Variants in COL4A2 observed in about 807,000 individuals in gnomAD.
COL4A2 encodes the protein collagen alpha-2(IV) chain.
A neutral mutation model predicts 200.2 loss-of-function variants in COL4A2; 99 were observed. The ratio of observed to expected loss-of-function variants is 0.49; its 90% CI spans 0.42 to 0.58. The LOEUF (loss-of-function observed/expected upper bound fraction) is 0.58, where lower values mean the gene tolerates loss of function less well. Ranked by LOEUF, COL4A2 falls within the 20% of genes least tolerant of loss-of-function variation. The pLI is 0.00. For missense variants in COL4A2, 1,950 were observed against 2,314.1 expected (o/e 0.84, Z 3.23); for synonymous variants, 897 against 900.6 (o/e 1.00, Z 0.07).
intron 3 of COL4A2, among the ~76,000 whole-genome samples, chr13:110,339,361 G>T (rs1421537367): frequency 6.6e-6 from 1 of 152,090 alleles, no homozygotes; most frequent in East Asian, 1.9e-4. Context: ...GCATATTTGG[G>T]GCTTCATCTT....
intron 4 of COL4A2, among the ~76,000 whole-genome samples, chr13:110,417,139 C>G (rs1403479671): frequency 6.6e-6 from 1 of 152,214 alleles, no homozygotes; most frequent in Non-Finnish European, 1.5e-5. Context: ...CACCACCACG[C>G]CTGGCTCATT....
intron 4 of COL4A2, among the ~76,000 whole-genome samples, chr13:110,362,902 A>C (rs1877580064): frequency 6.6e-6 from 1 of 152,186 alleles, no homozygotes; most frequent in African/African-American, 2.4e-5. Flanking sequence ...TATTTCAGTA[A>C]CTTAGCCAGG....
chr13:110,385,504 T>TGC (rs1878667725), intron 4 of COL4A2, among the ~76,000 whole-genome samples: 1 of 142,508 alleles, frequency 7.0e-6, no homozygotes, highest in Admixed American at 7.0e-5. Flanking sequence ...GTGGTTACAG[T>TGC]GTGTGGATAG....
At chr13:110,484,397 G>A (rs918152197) in intron 32 of COL4A2, among the ~76,000 whole-genome samples, 17 of 152,090 alleles carry the variant, frequency 1.1e-4, no homozygotes, top group South Asian at 2.1e-4. Flanking sequence ...TTTCCCGCCC[G>A]GCCCGCAGCT....
At chr13:110,473,299 C>G (rs1882554526) in intron 29 of COL4A2, 149 bp downstream of exon 29, 2 of 684,648 alleles carry the variant, frequency 2.9e-6, no homozygotes. Flanking sequence ...CCTTCCAGCA[C>G]TCCTTTAGAA....
chr13:110,363,339 AT>A (rs1188089945), intron 4 of COL4A2, among the ~76,000 whole-genome samples: 5 of 152,140 alleles, frequency 3.3e-5, no homozygotes, highest in Admixed American at 2.6e-4. Flanking sequence ...TAGCGACTGC[AT>A]TTTTTCATGT....
rs74607427 is a variant in COL4A2, at chr13:110,471,409, G to T, written c.2204-1520G>T. Among the ~76,000 whole-genome samples, 147 of 152,314 alleles carry T rather than the reference G, an allele frequency of 9.7e-4. No individual in the cohort carries two copies. In the East Asian group the frequency reaches 0.02, roughly 21 times the overall value. ...TGAGGAACTGATCAGTTTCTGAAAC[G>T]CATGTCACTTTTTATGGTGCTGAAA... On this transcript the variant is annotated intron_variant, in intron 28 of 47. Coordinates refer to ENST00000360467, the MANE Select transcript of COL4A2 (RefSeq NM_001846.4).
intron 3 of COL4A2, among the ~76,000 whole-genome samples, chr13:110,315,609 T>C (rs1885110428): frequency 6.6e-6 from 1 of 152,186 alleles, no homozygotes; most frequent in Non-Finnish European, 1.5e-5. Flanking sequence ...TTGGCCAGGC[T>C]GGTTTCAAAC....
At chr13:110,383,079 C>T (rs1360922481) in intron 4 of COL4A2, among the ~76,000 whole-genome samples, 1 of 152,194 alleles carries the variant, frequency 6.6e-6, no homozygotes, top group Non-Finnish European at 1.5e-5. Context: ...CTCTTTTAAG[C>T]ATCACTTTTA....
intron 4 of COL4A2, among the ~76,000 whole-genome samples, chr13:110,409,001 T>TAC (rs372790473): frequency 0.71 from 22,331 of 31,542 alleles, 7,821 homozygotes; most frequent in South Asian, 0.74. Context: ...CACGCACACA[T>TAC]ACACACACAC....
intron 32 of COL4A2, among the ~76,000 whole-genome samples, chr13:110,484,005 A>G (rs1287546642): frequency 6.6e-6 from 1 of 152,076 alleles, no homozygotes; most frequent in East Asian, 1.9e-4. Context: ...AAAAATTGCA[A>G]TCTAGGGTGC....
chr13:110,440,473 G>A (rs958667871), intron 16 of COL4A2, among the ~76,000 whole-genome samples: 10 of 152,026 alleles, frequency 6.6e-5, no homozygotes, highest in Non-Finnish European at 1.3e-4. Context: ...GTGGGTACCT[G>A]TAATCCCAGC....
chr13:110,341,915 T>C (rs1876472665), intron 3 of COL4A2, among the ~76,000 whole-genome samples: 1 of 152,234 alleles, frequency 6.6e-6, no homozygotes, highest in Non-Finnish European at 1.5e-5. Context: ...TGGATGTTTA[T>C]AATCTCAGCA....
rs397838577 is a variant in COL4A2, at chr13:110,512,281, TA to T, written c.*102del. On this transcript the variant is annotated 3_prime_UTR_variant, in exon 48 of 48. Transcript: ENST00000360467. ...CCAAAAATTGGTTTTATTTTTTTCT[TA>T]AAAAAAAAAAAGTCTACCAAAGGAA... 19,050 of 1,290,946 alleles carry T rather than the reference TA, an allele frequency of 0.015. 9 individuals carry two copies. Among genetic ancestry groups the T allele is most frequent in the East Asian group, 0.085 (2,565 of 30,146 alleles). 80.0% of individuals were successfully genotyped at this position (1,290,946 alleles called of 1,614,324 possible). A position where few individuals can be genotyped will look rare whatever the true frequency, so the allele number is the denominator to read the frequency against.
chr13:110,380,352 G>C (rs9521731), intron 4 of COL4A2, among the ~76,000 whole-genome samples: 46,653 of 152,054 alleles, frequency 0.31, 7,438 homozygotes, highest in Admixed American at 0.36. Context: ...TTATAGAGGA[G>C]ATTTTCACAA....
intron 43 of COL4A2, 47 bp downstream of exon 43, chr13:110,503,528 T>C (rs1413522786): frequency 8.4e-7 from 1 of 1,189,548 alleles, no homozygotes; most frequent in African/African-American, 1.5e-5. Context: ...CAGCCCAGCC[T>C]CTCCAGGCTT....
chr13:110,334,887 A>C (rs1018440833), intron 3 of COL4A2, among the ~76,000 whole-genome samples: 1 of 152,198 alleles, frequency 6.6e-6, no homozygotes, highest in African/African-American at 2.4e-5. Context: ...GTTCTCCCGG[A>C]GCAGGCCTGC....
At chr13:110,374,436 A>G (rs1371398559) in intron 4 of COL4A2, among the ~76,000 whole-genome samples, 3 of 152,148 alleles carry the variant, frequency 2.0e-5, no homozygotes, top group Admixed American at 1.3e-4. Flanking sequence ...TTCTTTCTCA[A>G]CCTTTAACTT....
chr13:110,307,366 C>T lies in COL4A2; in HGVS notation c.-207C>T. 1 of 248,656 alleles carries T rather than the reference C, an allele frequency of 4.0e-6. No homozygotes were observed. Among genetic ancestry groups the T allele is most frequent in the Non-Finnish European group, 7.6e-6 (1 of 131,366 alleles). 15.4% of individuals were successfully genotyped at this position (248,656 alleles called of 1,614,324 possible). A position where few individuals can be genotyped will look rare whatever the true frequency, so the allele number is the denominator to read the frequency against. On this transcript the variant is annotated 5_prime_UTR_variant, in exon 1 of 48. Coordinates refer to ENST00000360467, the MANE Select transcript of COL4A2 (RefSeq NM_001846.4). The surrounding 1 kb of genome is among the most constrained non-coding windows in gnomAD (Gnocchi z 5.0). ...CCCGCGTCCCAACCCCTCGCGCCCG[C>T]GCGTTCGCGGATCCAGGCCGAGGAC... is the stretch of plus-strand genomic sequence containing the variant.
Sources: allele counts gnomAD v4.1 joint callset (sites outside exome capture counted in the v4.1 genomes callset), GRCh38; gene constraint gnomAD v4.1.1; non-coding constraint Gnocchi (gnomAD v3.1); transcripts MANE v1.5; gene names NCBI Gene and HGNC (gene_info 2026-07-23, HGNC 2026-07-21).